Variants in LSAMP observed in about 807,000 individuals in gnomAD.
LSAMP encodes limbic system-associated membrane protein.
LSAMP carries 7 observed loss-of-function variants against 38.6 expected under a neutral mutation model. That is an observed-to-expected ratio of 0.18 (90% CI 0.10 to 0.34). LSAMP has a LOEUF of 0.34. Ranked by LOEUF, LSAMP falls within the 10% of genes least tolerant of loss-of-function variation. The pLI is 1.00. For synonymous variants in LSAMP, 154 were observed against 166.8 expected (o/e 0.92, Z 0.59); for missense variants, 313 against 420.0 (o/e 0.75, Z 2.23).
chr3:116,153,929 T>C (rs912315173), intron 1 of LSAMP, among the ~76,000 whole-genome samples: 15 of 152,094 alleles, frequency 9.9e-5, no homozygotes, highest in Non-Finnish European at 7.4e-5. Flanking sequence ...CAAGCAACTC[T>C]AGCTCTAGTG....
chr3:116,060,093 T>A (rs1941565819), intron 2 of LSAMP, among the ~76,000 whole-genome samples: 1 of 152,180 alleles, frequency 6.6e-6, no homozygotes, highest in Admixed American at 6.5e-5. Context: ...CTTTCTTCTC[T>A]CTTCCCTTCC....
At position 116,430,803 on chromosome 3, in the gene LSAMP, CTG is replaced by C. The variant is rs1418263602; in HGVS notation, c.155+14072_155+14073del. ...AGAGCTAGGTCTTCTGGCCCAGAAA[CTG>C]TGTTATTTCTACTATGCCATTTGAA... is the stretch of plus-strand genomic sequence containing the variant. On this transcript the variant is annotated intron_variant, in intron 1 of 6. Transcript: ENST00000490035. 2.6e-5 allele frequency among the ~76,000 whole-genome samples: 4 copies of C among 152,090 alleles called. No individual in the cohort carries two copies. The East Asian group carries it at 7.7e-4, about 29-fold the overall frequency.
At chr3:115,839,481 CAGA>C (rs1246805707) in intron 6 of LSAMP, among the ~76,000 whole-genome samples, 2 of 152,086 alleles carry the variant, frequency 1.3e-5, no homozygotes, top group African/African-American at 4.8e-5. Flanking sequence ...CCTGCTACAA[CAGA>C]AGGAGAGCTT....
chr3:116,075,159 AG>A, intron 2 of LSAMP, among the ~76,000 whole-genome samples: 1 of 107,864 alleles, frequency 9.3e-6, no homozygotes, highest in Non-Finnish European at 1.9e-5. Context: ...TTTTTTTGAG[AG>A]AGAGTCTTGC....
At chr3:116,193,957 T>C (rs1162366466) in intron 1 of LSAMP, among the ~76,000 whole-genome samples, 1 of 152,132 alleles carries the variant, frequency 6.6e-6, no homozygotes, top group African/African-American at 2.4e-5. Context: ...TCTTTAGTTG[T>C]GCACAGTGTT....
At chr3:116,286,386 G>A (rs1020458068) in intron 1 of LSAMP, among the ~76,000 whole-genome samples, 9 of 152,126 alleles carry the variant, frequency 5.9e-5, no homozygotes, top group Non-Finnish European at 1.3e-4. Context: ...TCCTTCAGCA[G>A]AAATAAATAA....
At chr3:116,075,733 G>T (rs192210109) in intron 2 of LSAMP, among the ~76,000 whole-genome samples, 41 of 151,596 alleles carry the variant, frequency 2.7e-4, no homozygotes, top group African/African-American at 9.9e-4. Flanking sequence ...TAGAGATGGG[G>T]TTTCACCATG....
intron 3 of LSAMP, among the ~76,000 whole-genome samples, chr3:115,989,140 TAGAAG>T (rs1939596347): frequency 6.6e-6 from 1 of 151,876 alleles, no homozygotes; most frequent in Admixed American, 6.6e-5. Context: ...AAGCAATTCA[TAGAAG>T]AGAAGAAAAG....
intron 1 of LSAMP, among the ~76,000 whole-genome samples, chr3:116,195,240 T>C (rs1260996351): frequency 1.3e-5 from 2 of 152,208 alleles, no homozygotes; most frequent in Admixed American, 6.5e-5. Flanking sequence ...TGCCCTCTAA[T>C]TGGCTTTTCA....
At chr3:116,066,668 A>G (rs1425649376) in intron 2 of LSAMP, among the ~76,000 whole-genome samples, 1 of 152,176 alleles carries the variant, frequency 6.6e-6, no homozygotes, top group Non-Finnish European at 1.5e-5. Context: ...TTACTAAATT[A>G]ACATCCTCAG....
chr3:115,805,374 A>T lies in LSAMP; in HGVS notation c.*4943T>A, dbSNP rs553134589. On this transcript the variant is annotated 3_prime_UTR_variant, in exon 7 of 7. Coordinates refer to ENST00000490035, the MANE Select transcript of LSAMP (RefSeq NM_002338.5). ...TGAACTGTGAAACGTTTCAGTTTTT[A>T]TTTATTTTTATTTGATTTTTTTTTC... is the stretch of plus-strand genomic sequence containing the variant. 6.6e-6 allele frequency: 1 copy of T among 152,190 alleles called. No homozygotes were observed. Among genetic ancestry groups the T allele is most frequent in the South Asian group, 2.1e-4 (1 of 4,822 alleles). 9.4% of individuals were successfully genotyped at this position (152,190 alleles called of 1,614,324 possible). A position where few individuals can be genotyped will look rare whatever the true frequency, so the allele number is the denominator to read the frequency against.
intron 1 of LSAMP, among the ~76,000 whole-genome samples, chr3:116,317,978 G>A (rs1332405255): frequency 6.6e-6 from 1 of 150,996 alleles, no homozygotes; most frequent in Non-Finnish European, 1.5e-5. Context: ...TCTACTAAAA[G>A]TAGAAAAATT....
Position 116,444,763 on chromosome 3 carries a change from A to G in LSAMP, c.155+114T>C. 4 of 1,327,258 alleles carry G rather than the reference A, an allele frequency of 3.0e-6. No individual in the cohort carries two copies. In the South Asian group the frequency reaches 3.7e-5, roughly 12 times the overall value. The allele number at this position is 1,327,258 out of a possible 1,614,324, so 82.2% of individuals were successfully genotyped here. A position where few individuals can be genotyped will look rare whatever the true frequency, so the allele number is the denominator to read the frequency against. On this transcript the variant is annotated intron_variant, in intron 1 of 6. Coordinates refer to ENST00000490035, the MANE Select transcript of LSAMP (RefSeq NM_002338.5). Reference sequence around the variant, plus strand: ...ACACACACCACAAGCCTGCAGCATCAGGAGCTGGAGTTCAAGGAGATCAGA... The same window carrying G: ...ACACACACCACAAGCCTGCAGCATCGGGAGCTGGAGTTCAAGGAGATCAGA...
At chr3:116,258,453 AC>A (rs2046784090) in intron 1 of LSAMP, among the ~76,000 whole-genome samples, 1 of 151,892 alleles carries the variant, frequency 6.6e-6, no homozygotes, top group African/African-American at 2.4e-5. Flanking sequence ...TATATTAGAA[AC>A]CCGTAATCTT....
chr3:116,246,786 T>C (rs1040738617), intron 1 of LSAMP, among the ~76,000 whole-genome samples: 4 of 152,150 alleles, frequency 2.6e-5, no homozygotes, highest in African/African-American at 9.7e-5. Context: ...GGACCAGTGA[T>C]AAATGGGCTA....
At chr3:116,352,869 C>T (rs1259461243) in intron 1 of LSAMP, among the ~76,000 whole-genome samples, 1 of 152,062 alleles carries the variant, frequency 6.6e-6, no homozygotes, top group South Asian at 2.1e-4. Flanking sequence ...GGCTCAAACA[C>T]TTGTCCAAAG....
chr3:116,012,605 T>C (rs1192525658), intron 3 of LSAMP, among the ~76,000 whole-genome samples: 9 of 152,184 alleles, frequency 5.9e-5, no homozygotes, highest in Admixed American at 1.3e-4. Context: ...AGCGGGTACA[T>C]TGGGGTGAAA....
At chr3:116,330,712 G>A (rs1209641548) in intron 1 of LSAMP, among the ~76,000 whole-genome samples, 2 of 152,122 alleles carry the variant, frequency 1.3e-5, no homozygotes, top group African/African-American at 2.4e-5. Context: ...GAGGGCCTAA[G>A]TTTAACTCTC....
chr3:116,272,009 G>A (rs1225255348), intron 1 of LSAMP, among the ~76,000 whole-genome samples: 5 of 151,998 alleles, frequency 3.3e-5, no homozygotes, highest in African/African-American at 1.2e-4. Context: ...TTGGATTTTA[G>A]GAAAGCAAGT....
Sources: gnomAD v4.1 joint callset for allele counts (sites outside exome capture counted in the v4.1 genomes callset) on GRCh38, gnomAD v4.1.1 for gene constraint, MANE v1.5 for transcripts, NCBI Gene and HGNC (gene_info 2026-07-23, HGNC 2026-07-21) for gene names.